Variants in UNC13B observed in about 807,000 individuals in gnomAD.
The protein encoded by UNC13B is unc-13 homolog B, also known as protein unc-13 homolog B.
Under a neutral mutation model 211.0 loss-of-function variants are expected in UNC13B, and 144 were observed. The ratio of observed to expected loss-of-function variants is 0.68; its 90% CI spans 0.60 to 0.78. UNC13B has a LOEUF of 0.78. Ranked by LOEUF, UNC13B falls within the 30% of genes least tolerant of loss-of-function variation. The probability of loss-of-function intolerance (pLI) is 0.00; values close to 1 mark genes in which losing one functional copy is unlikely to be tolerated. For synonymous variants in UNC13B, 709 were observed against 725.8 expected, an observed-to-expected ratio of 0.98 and a Z score of 0.37; for missense variants, 1,777 against 2,002.0, an observed-to-expected ratio of 0.89 and a Z score of 2.14.
intron 1 of UNC13B, among the ~76,000 whole-genome samples, chr9:35,183,959 A>T (rs1162039952): frequency 8.1e-6 from 1 of 124,112 alleles, no homozygotes; most frequent in Non-Finnish European, 1.7e-5. Context: ...CACCACCCAG[A>T]CGGGGCGGCG....
chr9:35,214,960 G>A (rs1824177167), intron 1 of UNC13B, among the ~76,000 whole-genome samples: 1 of 152,128 alleles, frequency 6.6e-6, no homozygotes, highest in Admixed American at 6.6e-5. Context: ...ACAATCCTTG[G>A]CACATAGTAG....
intron 11 of UNC13B, 101 bp downstream of exon 11, chr9:35,314,090 G>A: frequency 1.0e-6 from 1 of 965,298 alleles, no homozygotes; most frequent in Non-Finnish European, 1.7e-6. Context: ...TCTTCTTACA[G>A]TGTGCTTCTG....
Position 35,304,295 on chromosome 9 carries a change from T to C in UNC13B, c.4891T>C (p.Ser1631Pro). 2.5e-6 allele frequency: 1 copy of C among 398,752 alleles called. No individual in the cohort carries two copies. Among genetic ancestry groups the C allele is most frequent in the Non-Finnish European group, 4.4e-6 (1 of 225,902 alleles). 24.7% of individuals were successfully genotyped at this position (398,752 alleles called of 1,614,324 possible). Residue 1631 changes from serine (S) to proline (P), a missense_variant, in exon 9 of 40, where the codon TCA becomes CCA. Transcript: ENST00000635942. ...ATTGTATCTAAATTTAGAAACCTTT[T>C]CACAAGTACTTAAAGAGTCAAGTTG... ...EPLYLNLETF[S>P]QVLKESSCDQ... is the part of the protein sequence containing the mutation.
chr9:35,342,296 A>T (rs1365998152), intron 11 of UNC13B: 4 of 985,474 alleles, frequency 4.1e-6, no homozygotes, highest in African/African-American at 1.8e-5. Context: ...TCATGGTTTT[A>T]ATTTTTTTTT....
chr9:35,325,698 C>A lies in UNC13B; in HGVS notation c.9414+11709C>A, dbSNP rs189543312. ...ACCTAATTCCAGAACATTTTCATCA[C>A]CTCAAAAGGAAATCCCATACCCATT... On this transcript the variant is annotated intron_variant, in intron 11 of 39. Transcript: ENST00000635942. 3.9e-3 allele frequency among the ~76,000 whole-genome samples: 597 copies of A among 152,294 alleles called. 1 individual carries two copies. The highest frequency in any genetic ancestry group is 0.013 in the African/African-American group (543 of 41,572).
At chr9:35,297,372 A>T (rs1195616551) in intron 8 of UNC13B, among the ~76,000 whole-genome samples, 1 of 151,722 alleles carries the variant, frequency 6.6e-6, no homozygotes, top group Non-Finnish European at 1.5e-5. Context: ...GGCGTGAGCC[A>T]CCGTGCCTGG....
At chr9:35,270,016 T>C (rs1195010389) in intron 7 of UNC13B, among the ~76,000 whole-genome samples, 1 of 152,212 alleles carries the variant, frequency 6.6e-6, no homozygotes, top group African/African-American at 2.4e-5. Context: ...TGTGTCCTTT[T>C]GACATGGCCC....
intron 20 of UNC13B, among the ~76,000 whole-genome samples, chr9:35,382,138 A>T (rs945474390): frequency 1.3e-5 from 2 of 151,958 alleles, no homozygotes; most frequent in Non-Finnish European, 2.9e-5. Context: ...GTTGACCAGG[A>T]CTCCTTGAAT....
intron 7 of UNC13B, among the ~76,000 whole-genome samples, chr9:35,265,574 A>G (rs1827522157): frequency 6.6e-6 from 1 of 152,242 alleles, no homozygotes. Context: ...TAGGAAAAGA[A>G]TGATCAAAAT....
intron 11 of UNC13B, among the ~76,000 whole-genome samples, chr9:35,318,227 C>T (rs553247492): frequency 6.6e-6 from 1 of 152,086 alleles, no homozygotes; most frequent in South Asian, 2.1e-4. Context: ...TTAGAAATGT[C>T]CAAGAGGAGA....
rs569243895 is a variant in UNC13B at position 35,329,243 on chromosome 9, G to C, written c.9414+15254G>C. On this transcript the variant is annotated intron_variant, in intron 11 of 39. Transcript: ENST00000635942. ...TGGATACCTAACCCCAGGTATCTTA[G>C]AATGTGACATTATTTGGAGATAGGG... is the stretch of plus-strand genomic sequence containing the variant. 3.6e-4 allele frequency among the ~76,000 whole-genome samples: 55 copies of C among 152,238 alleles called. 1 individual carries two copies. The highest frequency in any genetic ancestry group is 1.2e-3 in the African/African-American group (50 of 41,534).
At chr9:35,170,262 T>G (rs1445415554) in intron 1 of UNC13B, among the ~76,000 whole-genome samples, 1 of 151,520 alleles carries the variant, frequency 6.6e-6, no homozygotes, top group East Asian at 1.9e-4. Context: ...GCCTCCCAGG[T>G]TCAAGCGATT....
intron 1 of UNC13B, among the ~76,000 whole-genome samples, chr9:35,208,699 G>A (rs1823799342): frequency 6.6e-6 from 1 of 152,144 alleles, no homozygotes; most frequent in Non-Finnish European, 1.5e-5. Flanking sequence ...AGCACAAAGA[G>A]GATGGTGCTA....
intron 6 of UNC13B, among the ~76,000 whole-genome samples, chr9:35,253,839 G>C (rs949665692): frequency 1.3e-5 from 2 of 152,160 alleles, no homozygotes; most frequent in African/African-American, 4.8e-5. Flanking sequence ...TAGTTGCTTG[G>C]TTGTAGGATA....
intron 1 of UNC13B, among the ~76,000 whole-genome samples, chr9:35,222,221 T>G (rs1241305444): frequency 2.0e-5 from 3 of 152,192 alleles, no homozygotes; most frequent in Non-Finnish European, 4.4e-5. Flanking sequence ...ATTGGGTTTG[T>G]CTTGAATATG....
chr9:35,384,644 T>C (rs1406181022), intron 22 of UNC13B: 2 of 985,338 alleles, frequency 2.0e-6, no homozygotes, highest in Non-Finnish European at 2.4e-6. Context: ...AAAAATTAGA[T>C]ACCTAATTAC....
chr9:35,182,553 G>A (rs1285002920), intron 1 of UNC13B, among the ~76,000 whole-genome samples: 1 of 151,898 alleles, frequency 6.6e-6, no homozygotes, highest in Non-Finnish European at 1.5e-5. Context: ...GGTAATAGTG[G>A]AGAGAAGGTC....
In UNC13B at chr9:35,377,538, C is replaced by G; in HGVS notation, c.9906C>G (p.Asp3302Glu). ...AGAACATTATCATGGCCATGAAGGA[C>G]CGCATGAAGATCCGAGAGCGAAATA... ...RTQNIIMAMK[D>E]RMKIRERNKP... The change falls in exon 16 of 40, where the codon GAC becomes GAG. Residue 3302 changes from aspartate to glutamate, a missense_variant. Physicochemically the swap from Asp to Glu is conservative, Grantham distance 45. Transcript: ENST00000635942. 6.2e-7 allele frequency: 1 copy of G among 1,614,226 alleles called. No homozygotes were observed. Among genetic ancestry groups the G allele is most frequent in the Non-Finnish European group, 8.5e-7 (1 of 1,180,036 alleles).
intron 13 of UNC13B, 76 bp downstream of exon 13, chr9:35,370,472 A>ACCGTCAGTCTTGCT: frequency 7.1e-7 from 1 of 1,408,322 alleles, no homozygotes; most frequent in Non-Finnish European, 9.9e-7. Flanking sequence ...AGCTGTCAGG[A>ACCGTCAGTCTTGCT]TTGGAAGTCG....
Sources: gnomAD v4.1 joint callset for allele counts (sites outside exome capture counted in the v4.1 genomes callset) on GRCh38, gnomAD v4.1.1 for gene constraint, MANE v1.5 for transcripts, NCBI Gene and HGNC (gene_info 2026-07-23, HGNC 2026-07-21) for gene names.